The following YWHAQ variants were observed in gnomAD, a reference collection of about 807,000 sequenced individuals.
YWHAQ encodes tyrosine 3-monooxygenase/tryptophan 5-monooxygenase activation protein theta.
Under a neutral mutation model 28.3 loss-of-function variants are expected in YWHAQ, and 6 were observed. That is an observed-to-expected ratio of 0.21 (90% confidence interval 0.12 to 0.42). The LOEUF is 0.42. Among genes scored for constraint, YWHAQ ranks in the 10% least tolerant of loss-of-function variants. YWHAQ has a pLI of 1.00. For missense variants in YWHAQ, 201 were observed against 305.6 expected (o/e 0.66, Z 2.55); for synonymous variants, 143 against 119.1 (o/e 1.20, Z -1.31).
chr2:9,610,637 T>A (rs907083811), intron 2 of YWHAQ, among the ~76,000 whole-genome samples: 4 of 152,164 alleles, frequency 2.6e-5, no homozygotes, highest in African/African-American at 9.7e-5. Context: ...GCTTTCCAAG[T>A]AGCTGGGATT....
At chr2:9,588,519 C>A (rs1666394006) in intron 3 of YWHAQ, among the ~76,000 whole-genome samples, 191 bp from the exon 4 acceptor site, 1 of 152,086 alleles carries the variant, frequency 6.6e-6, no homozygotes, top group Non-Finnish European at 1.5e-5. Context: ...GCCTATAATC[C>A]CAGCACTTTG....
Position 9,592,720 on chromosome 2 carries a change from T to C in YWHAQ, c.295-1205A>G, listed in dbSNP as rs577304345. On this transcript the variant is annotated intron_variant, in intron 2 of 5. Coordinates refer to ENST00000238081, the MANE Select transcript of YWHAQ (RefSeq NM_006826.4). ...AGCCCGGGTGACAGTGTGGACTCCATCTCAAAAAACAAAAACAAAAACAAA... is the reference window on the plus strand; with the variant it reads ...AGCCCGGGTGACAGTGTGGACTCCACCTCAAAAAACAAAAACAAAAACAAA... Among the ~76,000 whole-genome samples, 5 of 152,072 alleles carry C rather than the reference T, an allele frequency of 3.3e-5. No individual in the cohort carries two copies. In the East Asian group the frequency reaches 9.7e-4, roughly 29 times the overall value.
chr2:9,598,340 TA>T (rs1436947880), intron 2 of YWHAQ, among the ~76,000 whole-genome samples: 2 of 152,226 alleles, frequency 1.3e-5, no homozygotes, highest in Non-Finnish European at 2.9e-5. Context: ...ACTGGAGTAG[TA>T]AAGTGACCAT....
intron 2 of YWHAQ, among the ~76,000 whole-genome samples, chr2:9,599,688 T>C (rs1666649662): frequency 6.6e-6 from 1 of 152,212 alleles, no homozygotes. Context: ...AAAAAAAGAT[T>C]CCTTTCAAAT....
At chr2:9,600,691 G>A (rs1445524909) in intron 2 of YWHAQ, among the ~76,000 whole-genome samples, 1 of 151,842 alleles carries the variant, frequency 6.6e-6, no homozygotes, top group Non-Finnish European at 1.5e-5. Flanking sequence ...GGCAACAAGA[G>A]CGAAACTCTG....
intron 2 of YWHAQ, among the ~76,000 whole-genome samples, chr2:9,594,692 T>C (rs1666530861): frequency 6.6e-6 from 1 of 152,202 alleles, no homozygotes; most frequent in African/African-American, 2.4e-5. Flanking sequence ...GTGAAGATAT[T>C]ATTTATGGTC....
chr2:9,600,431 G>C (rs1295957347), intron 2 of YWHAQ, among the ~76,000 whole-genome samples: 1 of 152,194 alleles, frequency 6.6e-6, no homozygotes, highest in Admixed American at 6.5e-5. Context: ...TGAGGGCCGG[G>C]TGTGGTGACT....
chr2:9,619,935 T>C (rs2125072831), intron 2 of YWHAQ, among the ~76,000 whole-genome samples: 1 of 152,358 alleles, frequency 6.6e-6, no homozygotes, highest in East Asian at 1.9e-4. Flanking sequence ...ATTCAAGTAA[T>C]GTTTGGTGGA....
intron 5 of YWHAQ, 73 bp from the exon 6 acceptor site, chr2:9,585,418 A>G (rs766333650): frequency 1.7e-5 from 26 of 1,513,900 alleles, no homozygotes; most frequent in Admixed American, 5.2e-5. Flanking sequence ...TTGTTATATC[A>G]AAATTAACTA....
At chr2:9,600,736 C>A (rs1474597568) in intron 2 of YWHAQ, among the ~76,000 whole-genome samples, 3 of 152,012 alleles carry the variant, frequency 2.0e-5, no homozygotes, top group African/African-American at 7.2e-5. Context: ...AAAGAAAAAT[C>A]TTTTGTGAAA....
At chr2:9,592,865 C>A (rs1012231124) in intron 2 of YWHAQ, among the ~76,000 whole-genome samples, 1 of 152,116 alleles carries the variant, frequency 6.6e-6, no homozygotes, top group African/African-American at 2.4e-5. Context: ...ATGTCAAAGC[C>A]TGGAATAGTG....
At chr2:9,612,920 T>C (rs1320776663) in intron 2 of YWHAQ, among the ~76,000 whole-genome samples, 1 of 152,200 alleles carries the variant, frequency 6.6e-6, no homozygotes, top group African/African-American at 2.4e-5. Flanking sequence ...CTAGTGGTAA[T>C]TTGGGTCCTC....
intron 3 of YWHAQ, among the ~76,000 whole-genome samples, chr2:9,589,898 T>C (rs963649789): frequency 2.0e-5 from 3 of 152,228 alleles, no homozygotes; most frequent in Non-Finnish European, 4.4e-5. Context: ...CACTGGCCTA[T>C]TACAGCTTTA....
intron 2 of YWHAQ, among the ~76,000 whole-genome samples, chr2:9,600,838 G>C (rs1260973710): frequency 6.6e-6 from 1 of 152,196 alleles, no homozygotes; most frequent in Non-Finnish European, 1.5e-5. Flanking sequence ...CATCAACATG[G>C]AGGCAAGACC....
At chr2:9,598,797 C>A (rs1223190432) in intron 2 of YWHAQ, among the ~76,000 whole-genome samples, 3 of 152,118 alleles carry the variant, frequency 2.0e-5, no homozygotes, top group African/African-American at 7.2e-5. Context: ...CCCTGAGACA[C>A]AAAAATATTA....
At chr2:9,596,805 C>T (rs906834974) in intron 2 of YWHAQ, among the ~76,000 whole-genome samples, 2 of 152,080 alleles carry the variant, frequency 1.3e-5, no homozygotes, top group African/African-American at 4.8e-5. Context: ...CCGGTTCAAG[C>T]GATTCTTTGG....
intron 2 of YWHAQ, among the ~76,000 whole-genome samples, chr2:9,613,578 C>A (rs913627755): frequency 1.3e-5 from 2 of 152,182 alleles, no homozygotes; most frequent in Non-Finnish European, 2.9e-5. Context: ...TGAAGAGAAT[C>A]CAAGACTCTA....
intron 2 of YWHAQ, among the ~76,000 whole-genome samples, chr2:9,608,892 G>A (rs1298428451): frequency 1.6e-4 from 24 of 152,164 alleles, no homozygotes; most frequent in Admixed American, 1.4e-3. Context: ...AGTGAGCTGA[G>A]ATTGTACCAC....
intron 2 of YWHAQ, among the ~76,000 whole-genome samples, chr2:9,607,710 TC>T (rs1666861022): frequency 7.9e-6 from 1 of 126,074 alleles, no homozygotes; most frequent in Non-Finnish European, 1.6e-5. Context: ...AAATTCTTCC[TC>T]TTTTTTTTTT....
Sources: allele counts gnomAD v4.1 joint callset (sites outside exome capture counted in the v4.1 genomes callset), GRCh38; gene constraint gnomAD v4.1.1; transcripts MANE v1.5; gene names NCBI Gene and HGNC (gene_info 2026-07-23, HGNC 2026-07-21).